Variants in ERG observed in about 807,000 individuals in gnomAD.
The protein encoded by ERG is transcriptional regulator ERG.
A neutral mutation model predicts 55.3 loss-of-function variants in ERG; 9 were observed. The ratio of observed to expected loss-of-function variants is 0.16; its 90% confidence interval spans 0.10 to 0.28. The LOEUF (loss-of-function observed/expected upper bound fraction) is 0.28, where lower values mean the gene tolerates loss of function less well. Among genes scored for constraint, ERG ranks in the 10% least tolerant of loss-of-function variants. ERG has a pLI of 1.00. For synonymous variants in ERG, 223 were observed against 237.3 expected, an observed-to-expected ratio of 0.94 and a Z score of 0.55; for missense variants, 434 against 631.6, an observed-to-expected ratio of 0.69 and a Z score of 3.35.
At chr21:38,507,064 C>T (rs539977953) in intron 2 of ERG, among the ~76,000 whole-genome samples, 2 of 152,142 alleles carry the variant, frequency 1.3e-5, no homozygotes, top group Non-Finnish European at 2.9e-5. Flanking sequence ...CGCTGGGGTG[C>T]AACTGCAGAT....
chr21:38,620,684 T>G (rs1221176735), intron 1 of ERG, among the ~76,000 whole-genome samples: 1 of 152,208 alleles, frequency 6.6e-6, no homozygotes, highest in Non-Finnish European at 1.5e-5. Context: ...GAAAGAAAGA[T>G]GCAGGCCTAA....
chr21:38,584,177 C>G (rs2060047890), intron 1 of ERG, among the ~76,000 whole-genome samples: 2 of 152,180 alleles, frequency 1.3e-5, no homozygotes, highest in African/African-American at 4.8e-5. Context: ...GGGACTCATA[C>G]ATTCTGCGGC....
intron 2 of ERG, among the ~76,000 whole-genome samples, chr21:38,569,154 G>T (rs1316850343): frequency 2.0e-5 from 3 of 152,156 alleles, no homozygotes; most frequent in South Asian, 2.1e-4. Context: ...GTGTCTTTTT[G>T]ATCCCTTCTC....
chr21:38,498,054 C>T lies in ERG; in HGVS notation c.18+309G>A, dbSNP rs1482653094. On this transcript the variant is annotated intron_variant, in intron 1 of 9. Transcript: ENST00000288319. The surrounding 1 kb of genome is among the most constrained non-coding windows in gnomAD (Gnocchi z 4.6). ...CTTTTCTCAGACACACATCCAGGCA[C>T]CGTTAGGGATAGTTAGAGAATCTGA... 3.3e-5 allele frequency among the ~76,000 whole-genome samples: 5 copies of T among 152,198 alleles called. No homozygotes were observed. Among genetic ancestry groups the T allele is most frequent in the Admixed American group, 6.5e-5 (1 of 15,276 alleles).
intron 1 of ERG, among the ~76,000 whole-genome samples, chr21:38,635,236 C>T (rs1028983437): frequency 7.9e-5 from 12 of 152,036 alleles, no homozygotes; most frequent in African/African-American, 2.4e-4. Context: ...TTAACATAGA[C>T]CCATACTGAA....
chr21:38,634,205 T>C (rs555413224), intron 1 of ERG, among the ~76,000 whole-genome samples: 41 of 152,374 alleles, frequency 2.7e-4, no homozygotes, highest in African/African-American at 8.9e-4. Context: ...TATTCAGTTC[T>C]GAAATTATTC....
At chr21:38,400,371 T>C (rs1313973801) in intron 6 of ERG, 1 of 685,984 alleles carries the variant, frequency 1.5e-6, no homozygotes, top group Non-Finnish European at 2.7e-6. Context: ...GCTAATCTGC[T>C]CTTAATTCCT....
chr21:38,466,300 G>GGTGTGTGTGTGTGTGTGTGTGTGTGT (rs145670035), intron 1 of ERG, among the ~76,000 whole-genome samples: 1 of 140,602 alleles, frequency 7.1e-6, no homozygotes, highest in African/African-American at 2.7e-5. Context: ...GATGGTCTGG[G>GGTGTGTGTGTGTGTGTGTGTGTGTGT]GTGTGTGTGT....
downstream of ERG, among the ~76,000 whole-genome samples, chr21:38,376,842 G>A (rs956098253): frequency 2.0e-5 from 3 of 152,336 alleles, no homozygotes; most frequent in East Asian, 1.9e-4. Flanking sequence ...CCATCAAAGC[G>A]GCCTGGAGTC....
chr21:38,411,352 C>T (rs1349781765), intron 3 of ERG, among the ~76,000 whole-genome samples: 1 of 152,166 alleles, frequency 6.6e-6, no homozygotes, highest in Non-Finnish European at 1.5e-5. Flanking sequence ...GTGTCTCGCT[C>T]TGTCACCTAG....
At chr21:38,446,146 G>A (rs957478886) in intron 1 of ERG, among the ~76,000 whole-genome samples, 10 of 135,312 alleles carry the variant, frequency 7.4e-5, no homozygotes, top group Non-Finnish European at 1.4e-4. Context: ...AGATACAAAC[G>A]TTTCCACTCT....
intron 1 of ERG, among the ~76,000 whole-genome samples, chr21:38,582,899 A>G (rs2060039012): frequency 6.6e-6 from 1 of 152,230 alleles, no homozygotes; most frequent in Non-Finnish European, 1.5e-5. Flanking sequence ...GGCACGTGCT[A>G]CCATGGCTGG....
intron 8 of ERG, 67 bp from the exon 9 acceptor site, chr21:38,391,109 C>T: frequency 6.2e-6 from 8 of 1,296,446 alleles, no homozygotes; most frequent in Non-Finnish European, 8.9e-6. Context: ...TGACTTCAGA[C>T]ATAATGCCTG....
intron 2 of ERG, among the ~76,000 whole-genome samples, chr21:38,528,232 C>T (rs546612476): frequency 1.3e-5 from 2 of 152,258 alleles, no homozygotes; most frequent in Non-Finnish European, 2.9e-5. Flanking sequence ...CCTACTACAT[C>T]TGCAATAACC....
intron 1 of ERG, among the ~76,000 whole-genome samples, chr21:38,476,480 C>T (rs2059188770): frequency 6.6e-6 from 1 of 152,226 alleles, no homozygotes; most frequent in South Asian, 2.1e-4. Flanking sequence ...ATTAATATCC[C>T]AGAGTAATCC....
chr21:38,580,766 A>T (rs1050797658), intron 1 of ERG, among the ~76,000 whole-genome samples: 3 of 152,244 alleles, frequency 2.0e-5, no homozygotes, highest in African/African-American at 7.2e-5. Flanking sequence ...CCACATAAAA[A>T]AGATGGACTG....
intron 6 of ERG, among the ~76,000 whole-genome samples, chr21:38,395,923 C>T (rs1189619999): frequency 6.6e-6 from 1 of 152,196 alleles, no homozygotes; most frequent in African/African-American, 2.4e-5. Flanking sequence ...GCCCCACACA[C>T]CCCACACCGC....
At chr21:38,443,601 A>C (rs9808660) in intron 2 of ERG, among the ~76,000 whole-genome samples, 21,846 of 152,172 alleles carry the variant, frequency 0.14, 1,786 homozygotes, top group African/African-American at 0.2. Context: ...TGTTTCAGAA[A>C]TATATATAGT....
chr21:38,623,115 C>A (rs546138334), intron 1 of ERG, among the ~76,000 whole-genome samples: 1 of 150,650 alleles, frequency 6.6e-6, no homozygotes, highest in African/African-American at 2.4e-5. Context: ...TACACTCACA[C>A]GCACATCATG....
Sources: allele counts gnomAD v4.1 joint callset (sites outside exome capture counted in the v4.1 genomes callset), GRCh38; gene constraint gnomAD v4.1.1; non-coding constraint Gnocchi (gnomAD v3.1); transcripts MANE v1.5; gene names NCBI Gene and HGNC (gene_info 2026-07-23, HGNC 2026-07-21).